The following FBXO11 variants were observed in gnomAD, a reference collection of about 807,000 sequenced individuals.
FBXO11 encodes F-box only protein 11.
Under a neutral mutation model 117.0 loss-of-function variants are expected in FBXO11, and 13 were observed. That is an observed-to-expected ratio of 0.11 (90% CI 0.07 to 0.18). The LOEUF (loss-of-function observed/expected upper bound fraction) is 0.18. Among genes scored for constraint, FBXO11 ranks in the 10% least tolerant of loss-of-function variants. The pLI, the probability that FBXO11 is intolerant of heterozygous loss-of-function variation, is 1.00. For synonymous variants in FBXO11, 490 were observed against 380.5 expected (o/e 1.29, Z -3.35); for missense variants, 767 against 1,164.4 (o/e 0.66, Z 4.97).
rs946645372 is a variant in FBXO11, at chr2:47,906,382, C to T, written c.-662G>A. 2.0e-5 allele frequency among the ~76,000 whole-genome samples: 3 copies of T among 152,174 alleles called. No homozygotes were observed. The highest frequency in any genetic ancestry group is 7.2e-5 in the African/African-American group (3 of 41,458). On this transcript the variant is annotated 5_prime_UTR_variant, in exon 1 of 23. Coordinates refer to ENST00000403359, the MANE Select transcript of FBXO11 (RefSeq NM_001190274.2). ...GATAGGGGGAAAAAGAGGCGTCGTC[C>T]TTCCTCCTCCTTAAAGGAACCTTTC...
At chr2:47,809,768 A>G (rs1276644760) in intron 19 of FBXO11, 61 bp from the exon 20 acceptor site, 2 of 1,077,532 alleles carry the variant, frequency 1.9e-6, no homozygotes, top group East Asian at 2.4e-5. Context: ...AAAAACCTGA[A>G]ATTAGCAAGC....
At chr2:47,900,683 TACAC>T (rs1195128944) in intron 1 of FBXO11, among the ~76,000 whole-genome samples, 1 of 100,256 alleles carries the variant, frequency 1.0e-5, no homozygotes, top group Non-Finnish European at 2.3e-5. Context: ...TACACACGTA[TACAC>T]ACACGTATAC....
At chr2:47,904,614 AC>A (rs1352945883) in intron 1 of FBXO11, among the ~76,000 whole-genome samples, 7 of 131,196 alleles carry the variant, frequency 5.3e-5, no homozygotes, top group Non-Finnish European at 9.9e-5. Flanking sequence ...ACACACACAC[AC>A]ACACACAAAA....
intron 1 of FBXO11, among the ~76,000 whole-genome samples, chr2:47,894,437 G>A (rs949813117): frequency 2.6e-5 from 4 of 152,164 alleles, no homozygotes; most frequent in Admixed American, 1.3e-4. Flanking sequence ...TAAGAAACAG[G>A]TTCCAAACTT....
At chr2:47,848,630 C>A (rs1224004433) in intron 1 of FBXO11, among the ~76,000 whole-genome samples, 1 of 152,180 alleles carries the variant, frequency 6.6e-6, no homozygotes, top group Non-Finnish European at 1.5e-5. Flanking sequence ...GATTTTACTA[C>A]AAATCCTATG....
chr2:47,855,820 G>A (rs1180086636), intron 1 of FBXO11, among the ~76,000 whole-genome samples: 2 of 147,634 alleles, frequency 1.4e-5, no homozygotes, highest in South Asian at 2.1e-4. Context: ...CAACAAGAGC[G>A]AAACTCCATC....
At chr2:47,842,268 C>A (rs1013812534) in intron 1 of FBXO11, among the ~76,000 whole-genome samples, 9 of 152,136 alleles carry the variant, frequency 5.9e-5, no homozygotes, top group African/African-American at 2.2e-4. Flanking sequence ...CCCGCCTCGG[C>A]CTCCCAAAGT....
chr2:47,823,110 A>C (rs752118736), intron 12 of FBXO11, 33 bp downstream of exon 12: 1 of 1,503,670 alleles, frequency 6.7e-7, no homozygotes, highest in Non-Finnish European at 9.1e-7. Context: ...TGAAGTGAAA[A>C]AGTAATTTTC....
rs908532871 is a variant in FBXO11 at position 47,905,617 on chromosome 2, G to A, written c.104C>T (p.Pro35Leu). The A allele has an allele frequency of 4.4e-6, 6 of 1,367,234 alleles. No individual in the cohort carries two copies. Among genetic ancestry groups the A allele is most frequent in the African/African-American group, 1.5e-5 (1 of 66,168 alleles). The allele number at this position is 1,367,234 out of a possible 1,614,324, so 84.7% of individuals were successfully genotyped here. A position where few individuals can be genotyped will look rare whatever the true frequency, so the allele number is the denominator to read the frequency against. ...QQPPQQPPPQ[P>L]PQQQPPQQQP... ...CTGCTGGGGCGGCTGCTGCTGGGGC[G>A]GCTGCGGCGGCGGCTGCTGCGGGGG... is the stretch of plus-strand genomic sequence containing the variant. Residue 35 changes from proline (P) to leucine (L), a missense_variant, in exon 1 of 23, where the codon CCG becomes CTG. By Grantham distance (98) the Pro-to-Leu change is moderately conservative (BLOSUM62 -3). This residue lies in a region of FBXO11 where 355 missense variants were observed against 299.8 expected (regional missense o/e 1.18). Transcript: ENST00000403359.
chr2:47,869,844 T>A (rs986760108), intron 1 of FBXO11, among the ~76,000 whole-genome samples: 7 of 152,158 alleles, frequency 4.6e-5, no homozygotes, highest in African/African-American at 1.7e-4. Flanking sequence ...CCTGGCTAAT[T>A]GTTTTATTTT....
chr2:47,905,987 G>C lies in FBXO11; in HGVS notation c.-267C>G. The C allele has an allele frequency of 2.5e-6, 1 of 398,664 alleles. No homozygotes were observed. The highest frequency in any genetic ancestry group is 4.0e-5 in the South Asian group (1 of 24,770). The allele number at this position is 398,664 out of a possible 1,614,324, so 24.7% of individuals were successfully genotyped here. A position where few individuals can be genotyped will look rare whatever the true frequency, so the allele number is the denominator to read the frequency against. On this transcript the variant is annotated 5_prime_UTR_variant, in exon 1 of 23. Transcript: ENST00000403359. ...CGAAGCCGCCGGGCGGGGCGGCCGC[G>C]AGGGACGAAGGCAGAAAGACGGGCA...
intron 1 of FBXO11, among the ~76,000 whole-genome samples, chr2:47,885,258 A>T (rs183989991): frequency 6.6e-6 from 1 of 152,160 alleles, no homozygotes; most frequent in Non-Finnish European, 1.5e-5. Context: ...TACAGTGTCA[A>T]AAAAAAGAAA....
At chr2:47,890,822 A>T (rs1677204476) in intron 1 of FBXO11, among the ~76,000 whole-genome samples, 2 of 149,846 alleles carry the variant, frequency 1.3e-5, no homozygotes, top group Admixed American at 6.6e-5. Context: ...AAAAAAAAAA[A>T]TATTATTATT....
chr2:47,877,643 T>A (rs183300736), intron 1 of FBXO11, among the ~76,000 whole-genome samples: 21 of 152,136 alleles, frequency 1.4e-4, no homozygotes, highest in Admixed American at 1.0e-3. Context: ...ATTTTCTCCA[T>A]CTCTCACTCA....
intron 1 of FBXO11, among the ~76,000 whole-genome samples, chr2:47,896,224 T>C (rs1677653694): frequency 6.6e-6 from 1 of 152,086 alleles, no homozygotes; most frequent in South Asian, 2.1e-4. Flanking sequence ...CACGTAATGT[T>C]AAGTGATTCT....
Position 47,808,304 on chromosome 2 carries a change from TATATC to T in FBXO11, c.2654+20_2654+24del, listed in dbSNP as rs747498252. ...AGTGAGGGGGAAAGTAATTGGGTAA[TATATC>T]AAGCAAGTGTGCTACATACCTATCA... On this transcript the variant is annotated intron_variant, in intron 22 of 22. Transcript: ENST00000403359. 21 of 1,612,412 alleles carry T rather than the reference TATATC, an allele frequency of 1.3e-5. No individual in the cohort carries two copies. Among genetic ancestry groups the T allele is most frequent in the South Asian group, 8.8e-5 (8 of 90,840 alleles).
intron 1 of FBXO11, among the ~76,000 whole-genome samples, chr2:47,893,931 A>G (rs1677455057): frequency 6.6e-6 from 1 of 152,192 alleles, no homozygotes; most frequent in Non-Finnish European, 1.5e-5. Flanking sequence ...TCTCCTCCAC[A>G]CTGCTTTTTG....
At chr2:47,825,096 T>C (rs1337360326) in intron 11 of FBXO11, among the ~76,000 whole-genome samples, 1 of 152,184 alleles carries the variant, frequency 6.6e-6, no homozygotes, top group Admixed American at 6.5e-5. Flanking sequence ...GATGAATTTT[T>C]TTTGCCAAAT....
At position 47,836,035 on chromosome 2, in the gene FBXO11, A is replaced by G. The variant is rs999280497; in HGVS notation, c.588-34T>C. 17 of 1,503,474 alleles carry G rather than the reference A, an allele frequency of 1.1e-5. No homozygotes were observed. The African/African-American group carries it at 2.4e-4, about 21-fold the overall frequency. 93.1% of individuals were successfully genotyped at this position (1,503,474 alleles called of 1,614,324 possible). A position where few individuals can be genotyped will look rare whatever the true frequency, so the allele number is the denominator to read the frequency against. ...AGAAAGGAATTAAAATTTTCTTGAT[A>G]AAATGTCCTTTAGATTAATACAGTT... is the stretch of plus-strand genomic sequence containing the variant. On this transcript the variant is annotated intron_variant, in intron 4 of 22. Coordinates refer to ENST00000403359, the MANE Select transcript of FBXO11 (RefSeq NM_001190274.2).
Sources: gnomAD v4.1 joint callset for allele counts (sites outside exome capture counted in the v4.1 genomes callset) on GRCh38, gnomAD v4.1.1 for gene constraint, gnomAD v4.1.1 regional missense constraint, MANE v1.5 for transcripts, NCBI Gene and HGNC (gene_info 2026-07-23, HGNC 2026-07-21) for gene names.